PUDP: variants seen among roughly 807,000 people sequenced by gnomAD.
PUDP encodes the protein pseudouridine 5'-phosphatase, also known as pseudouridine-5'-phosphatase.
A neutral mutation model predicts 9.4 loss-of-function variants in PUDP; 8 were observed. The ratio of observed to expected loss-of-function variants is 0.85; its 90% CI spans 0.50 to 1.53. The LOEUF (loss-of-function observed/expected upper bound fraction) is 1.53. Ranked by LOEUF, PUDP falls within the 40% of genes most tolerant of loss-of-function variation. The probability of loss-of-function intolerance (pLI) is 0.00; values close to 1 mark genes in which losing one functional copy is unlikely to be tolerated. For missense variants in PUDP, 188 were observed against 189.7 expected (o/e 0.99, Z 0.05); for synonymous variants, 99 against 80.7 (o/e 1.23, Z -1.22).
At chrX:6,907,009 G>A (rs960150396) in intron 3 of PUDP, among the ~76,000 whole-genome samples, 1 of 111,085 alleles carries the variant, frequency 9.0e-6, no homozygotes, top group Non-Finnish European at 1.9e-5. Flanking sequence ...CACTCCCTCA[G>A]TTTACTGGTC....
intron 3 of PUDP, among the ~76,000 whole-genome samples, chrX:6,957,219 G>T (rs1229452768): frequency 1.8e-5 from 2 of 110,722 alleles, no homozygotes; most frequent in African/African-American, 6.6e-5. Flanking sequence ...GTCGGCTATG[G>T]TTTGAATGTG....
intron 1 of PUDP, among the ~76,000 whole-genome samples, chrX:6,709,437 C>T (rs1235914848): frequency 1.8e-5 from 2 of 112,109 alleles, no homozygotes; most frequent in African/African-American, 6.5e-5. Flanking sequence ...CCGTTAAAGT[C>T]CAGCTTTTAG....
intron 3 of PUDP, among the ~76,000 whole-genome samples, chrX:6,879,003 T>C (rs1005441056): frequency 1.8e-5 from 2 of 112,057 alleles, no homozygotes; most frequent in East Asian, 5.6e-4. Context: ...AAAAATGGTA[T>C]GAGGACTTTG....
At chrX:6,845,431 G>A (rs1926731653) in intron 3 of PUDP, among the ~76,000 whole-genome samples, 2 of 111,864 alleles carry the variant, frequency 1.8e-5, no homozygotes, top group Non-Finnish European at 3.8e-5. Context: ...TTGTTTTCTT[G>A]TATGACAATC....
chrX:6,853,120 G>A (rs967050569), intron 3 of PUDP, among the ~76,000 whole-genome samples: 1 of 111,627 alleles, frequency 9.0e-6, no homozygotes, highest in South Asian at 3.8e-4. Flanking sequence ...TTGTAGGCAC[G>A]TCTGGGCAAG....
chrX:7,121,774 T>C (rs1932349242), intron 1 of PUDP, among the ~76,000 whole-genome samples: 1 of 111,814 alleles, frequency 8.9e-6, no homozygotes, highest in Admixed American at 9.4e-5. Flanking sequence ...GGTGGGTCCC[T>C]AGCTTGGGAG....
intron 3 of PUDP, among the ~76,000 whole-genome samples, chrX:6,729,063 G>A (rs920619650): frequency 2.7e-5 from 3 of 111,675 alleles, no homozygotes; most frequent in Non-Finnish European, 3.8e-5. Context: ...GCAAAGTGCC[G>A]TGTTCCTCAC....
rs992631007 is a variant in PUDP, at chrX:6,882,546, A to G, written c.*247+94587T>C. On this transcript the variant is annotated intron_variant and NMD_transcript_variant, in intron 3 of 3. Coordinates refer to the PUDP transcript ENST00000655425. ...CAGAAAGGTAATTTCATGTGATTCA[A>G]CCTATCAAATACAATTTGGCTTTTC... is the stretch of plus-strand genomic sequence containing the variant. Among the ~76,000 whole-genome samples the G allele has an allele frequency of 5.4e-5, 6 of 111,813 alleles. No individual in the cohort carries two copies. In the Admixed American group the frequency reaches 5.7e-4, roughly 11 times the overall value.
At chrX:6,815,903 T>C (rs1926222763) in intron 3 of PUDP, among the ~76,000 whole-genome samples, 1 of 108,799 alleles carries the variant, frequency 9.2e-6, no homozygotes, top group Admixed American at 1.0e-4. Flanking sequence ...AATCTAAACC[T>C]TCCTCGCCAT....
chrX:6,757,295 G>C (rs1925180291), intron 3 of PUDP, among the ~76,000 whole-genome samples: 1 of 111,169 alleles, frequency 9.0e-6, no homozygotes, highest in Non-Finnish European at 1.9e-5. Flanking sequence ...TTTTCAGCCA[G>C]GGTCAAGAAA....
intron 3 of PUDP, among the ~76,000 whole-genome samples, chrX:6,890,934 CCAAAAAAAAAAAAAA>C (rs1927503334): frequency 2.3e-5 from 1 of 42,886 alleles, no homozygotes; most frequent in African/African-American, 1.0e-4. Context: ...CCTCATCTCT[CCAAAAAAAAAAAAAA>C]AAAAAAAAAA....
intron 3 of PUDP, among the ~76,000 whole-genome samples, chrX:6,932,583 C>G (rs987875824): frequency 1.8e-5 from 2 of 110,667 alleles, no homozygotes; most frequent in African/African-American, 6.6e-5. Flanking sequence ...TCTGAGGTAC[C>G]GGGTTCATCT....
chrX:6,738,361 A>G (rs1329823609), intron 3 of PUDP, among the ~76,000 whole-genome samples: 3 of 111,502 alleles, frequency 2.7e-5, no homozygotes, highest in Non-Finnish European at 5.6e-5. Flanking sequence ...AACTCTGGTC[A>G]TTATTGTCTT....
At position 7,049,414 on chromosome X, in the gene PUDP, C is replaced by G. The variant is rs140378369; in HGVS notation, c.*882G>C. On this transcript the variant is annotated 3_prime_UTR_variant, in exon 4 of 4. Coordinates refer to ENST00000381077, the MANE Select transcript of PUDP (RefSeq NM_012080.5). The stretch of plus-strand genomic sequence containing the variant: ...TTCTGAAATCAAATTCTATTTCTAT[C>G]CAAAAAGTGCAGCCCATCAGTGTTC... 2 of 112,648 alleles carry G rather than the reference C, an allele frequency of 1.8e-5. No individual in the cohort carries two copies. Among genetic ancestry groups the G allele is most frequent in the East Asian group, 5.5e-4 (2 of 3,609 alleles). The allele number at this position is 112,648 out of a possible 1,213,427, so 9.3% of individuals were successfully genotyped here.
intron 3 of PUDP, among the ~76,000 whole-genome samples, chrX:6,774,880 C>A (rs957944332): frequency 8.9e-6 from 1 of 112,413 alleles, no homozygotes. Flanking sequence ...ATTTGGGAGG[C>A]TTTTTAAAAA....
intron 3 of PUDP, among the ~76,000 whole-genome samples, chrX:6,841,742 T>C (rs1926674196): frequency 8.9e-6 from 1 of 112,527 alleles, no homozygotes; most frequent in Admixed American, 9.4e-5. Context: ...TGCAGTCTTA[T>C]CAACTTCCGG....
chrX:7,101,388 C>T (rs1400535425), intron 2 of PUDP, among the ~76,000 whole-genome samples: 1 of 111,548 alleles, frequency 9.0e-6, no homozygotes, highest in Non-Finnish European at 1.9e-5. Context: ...GAAGAACTAG[C>T]TCCTGGCTGG....
intron 2 of PUDP, among the ~76,000 whole-genome samples, chrX:7,091,830 C>A (rs1400408224): frequency 8.9e-6 from 1 of 112,144 alleles, no homozygotes; most frequent in Non-Finnish European, 1.9e-5. Flanking sequence ...GGATCTATCA[C>A]TACAAAATAA....
At chrX:6,944,237 G>T (rs936194534) in intron 3 of PUDP, among the ~76,000 whole-genome samples, 2 of 111,067 alleles carry the variant, frequency 1.8e-5, no homozygotes, top group African/African-American at 6.6e-5. Flanking sequence ...TCTCTCTCCT[G>T]CCACCTTGTG....
Sources: allele counts gnomAD v4.1 joint callset (sites outside exome capture counted in the v4.1 genomes callset), GRCh38; gene constraint gnomAD v4.1.1; transcripts MANE v1.5; gene names NCBI Gene and HGNC (gene_info 2026-07-23, HGNC 2026-07-21).